Variants in PTCHD4 observed in about 807,000 individuals in gnomAD.
PTCHD4 encodes the protein patched domain-containing protein 4.
Under a neutral mutation model 58.1 loss-of-function variants are expected in PTCHD4, and 33 were observed. The observed-to-expected ratio is 0.57, with a 90% CI of 0.43 to 0.76. The LOEUF (loss-of-function observed/expected upper bound fraction) is 0.76, where lower values mean the gene tolerates loss of function less well. PTCHD4 is among the 30% of genes least tolerant of loss of function. The probability of loss-of-function intolerance (pLI) is 0.00; values close to 1 mark genes in which losing one functional copy is unlikely to be tolerated. For missense variants in PTCHD4, 1,058 were observed against 1,027.1 expected, an observed-to-expected ratio of 1.03 and a Z score of -0.41; for synonymous variants, 478 against 409.6, an observed-to-expected ratio of 1.17 and a Z score of -2.02.
At chr6:48,054,541 GA>G (rs1764343034) in intron 3 of PTCHD4, among the ~76,000 whole-genome samples, 1 of 152,220 alleles carries the variant, frequency 6.6e-6, no homozygotes, top group South Asian at 2.1e-4. Flanking sequence ...TAGCAAGTCA[GA>G]AGGTTTTACT....
At chr6:47,922,096 C>T (rs1765451711) in intron 4 of PTCHD4, among the ~76,000 whole-genome samples, 1 of 151,944 alleles carries the variant, frequency 6.6e-6, no homozygotes, top group South Asian at 2.1e-4. Flanking sequence ...TATGATTGCA[C>T]CACTGCACTT....
intron 4 of PTCHD4, among the ~76,000 whole-genome samples, chr6:47,945,471 C>T (rs1010194387): frequency 6.6e-6 from 1 of 151,984 alleles, no homozygotes; most frequent in Non-Finnish European, 1.5e-5. Context: ...AAATTTTAAG[C>T]AAATCATTTT....
At chr6:47,920,908 C>A (rs1370630674) in intron 4 of PTCHD4, among the ~76,000 whole-genome samples, 1 of 151,988 alleles carries the variant, frequency 6.6e-6, no homozygotes. Flanking sequence ...CCTATTATTG[C>A]TGAGATTATA....
At position 47,869,807 on chromosome 6, in the gene PTCHD4, A is replaced by G. The variant is rs1215920248; in HGVS notation, c.*8496T>C. Among the ~76,000 whole-genome samples, 1 of 151,662 alleles carries G rather than the reference A, an allele frequency of 6.6e-6. No individual in the cohort carries two copies. On this transcript the variant is annotated 3_prime_UTR_variant, in exon 5 of 5. Transcript: ENST00000339488. ...ATAGATTATGTTATTTTACATTGTG[A>G]TGTTATAAGATGTTTTGTTTAGGAA...
At chr6:47,901,298 C>T (rs1392686775) in intron 4 of PTCHD4, 4 of 303,426 alleles carry the variant, frequency 1.3e-5, no homozygotes, top group Non-Finnish European at 1.9e-5. Flanking sequence ...AGTTATTAAC[C>T]TGTAGTTTTC....
chr6:47,932,042 G>A (rs1302180710), intron 4 of PTCHD4, among the ~76,000 whole-genome samples: 2 of 146,428 alleles, frequency 1.4e-5, no homozygotes, highest in African/African-American at 2.6e-5. Flanking sequence ...CATGGGGACT[G>A]CTCCTACAAC....
intron 4 of PTCHD4, among the ~76,000 whole-genome samples, chr6:47,903,282 CATTA>C (rs1021355357): frequency 2.7e-5 from 4 of 150,418 alleles, no homozygotes; most frequent in South Asian, 4.2e-4. Flanking sequence ...GGGAGATGAT[CATTA>C]ATTAATTAAT....
intron 3 of PTCHD4, among the ~76,000 whole-genome samples, chr6:48,053,768 A>C (rs186886188): frequency 6.6e-6 from 1 of 152,230 alleles, no homozygotes; most frequent in African/African-American, 2.4e-5. Flanking sequence ...TTTCTAGCCA[A>C]TATTTATAGA....
At position 47,858,861 on chromosome 6, in the gene PTCHD4, T is replaced by C. The variant is rs1430918431; in HGVS notation, c.*19442A>G. Reference sequence around the variant, plus strand: ...CAGAATATGCTTCCTATAATCCTTCTTGAATCTATGAATTTAAACTACCCC... The same window carrying C: ...CAGAATATGCTTCCTATAATCCTTCCTGAATCTATGAATTTAAACTACCCC... On this transcript the variant is annotated 3_prime_UTR_variant, in exon 5 of 5. Transcript: ENST00000339488. Among the ~76,000 whole-genome samples the C allele has an allele frequency of 6.6e-6, 1 of 152,084 alleles. No individual in the cohort carries two copies.
intron 3 of PTCHD4, among the ~76,000 whole-genome samples, chr6:48,049,450 T>C (rs1482505889): frequency 6.6e-6 from 1 of 151,956 alleles, no homozygotes; most frequent in Non-Finnish European, 1.5e-5. Context: ...ACTAAAATAA[T>C]GCACTCATGT....
intron 1 of PTCHD4, among the ~76,000 whole-genome samples, chr6:48,087,175 C>T (rs995881797): frequency 6.6e-6 from 1 of 152,284 alleles, no homozygotes; most frequent in African/African-American, 2.4e-5. Context: ...GGTCTAGCCT[C>T]AGCCCAGAAA....
At chr6:48,051,089 C>G (rs973462066) in intron 3 of PTCHD4, among the ~76,000 whole-genome samples, 1 of 151,928 alleles carries the variant, frequency 6.6e-6, no homozygotes, top group African/African-American at 2.4e-5. Flanking sequence ...ACCTTTCAAT[C>G]AGTAAACTGT....
intron 4 of PTCHD4, among the ~76,000 whole-genome samples, chr6:47,971,215 T>C (rs9473213): frequency 6.6e-6 from 1 of 151,916 alleles, no homozygotes; most frequent in African/African-American, 2.4e-5. Flanking sequence ...AAAACTATAA[T>C]TGACAGCTTC....
At chr6:48,050,440 T>C (rs1224614032) in intron 3 of PTCHD4, among the ~76,000 whole-genome samples, 3 of 152,030 alleles carry the variant, frequency 2.0e-5, no homozygotes, top group Admixed American at 6.6e-5. Flanking sequence ...GAGGGAACTA[T>C]ATGGCTGGTC....
rs954132338 is a variant in PTCHD4 at position 47,877,243 on chromosome 6, A to G, written c.*1060T>C. Among the ~76,000 whole-genome samples, 3 of 151,846 alleles carry G rather than the reference A, an allele frequency of 2.0e-5. No homozygotes were observed. Among genetic ancestry groups the G allele is most frequent in the Non-Finnish European group, 4.4e-5 (3 of 67,942 alleles). On this transcript the variant is annotated 3_prime_UTR_variant, in exon 5 of 5. Coordinates refer to ENST00000339488, the MANE Select transcript of PTCHD4 (RefSeq NM_001384253.1). ...TAATTATCTATATTCCATGACAGTT[A>G]TTTTCCCTATCTAAAATAAGAACGG...
At chr6:47,939,397 A>G (rs112817210) in intron 4 of PTCHD4, among the ~76,000 whole-genome samples, 6,423 of 152,136 alleles carry the variant, frequency 0.042, 277 homozygotes, top group African/African-American at 0.1. Flanking sequence ...GTAGTAATTA[A>G]GAGAGGAATA....
chr6:48,039,187 C>T (rs1763754048), intron 3 of PTCHD4, among the ~76,000 whole-genome samples: 1 of 152,036 alleles, frequency 6.6e-6, no homozygotes, highest in African/African-American at 2.4e-5. Flanking sequence ...TGTGAAATTA[C>T]CCCTCAATGA....
chr6:47,967,786 T>C (rs1467155772), intron 4 of PTCHD4, among the ~76,000 whole-genome samples: 2 of 152,198 alleles, frequency 1.3e-5, no homozygotes, highest in Non-Finnish European at 2.9e-5. Context: ...AAACTTTTCT[T>C]CACAGCTTCC....
chr6:47,892,915 G>A (rs1296504255), intron 4 of PTCHD4, among the ~76,000 whole-genome samples: 1 of 152,166 alleles, frequency 6.6e-6, no homozygotes, highest in African/African-American at 2.4e-5. Flanking sequence ...CAAAAGTTCA[G>A]GAATGGGATG....
Sources: gnomAD v4.1 joint callset for allele counts (sites outside exome capture counted in the v4.1 genomes callset) on GRCh38, gnomAD v4.1.1 for gene constraint, MANE v1.5 for transcripts, NCBI Gene and HGNC (gene_info 2026-07-23, HGNC 2026-07-21) for gene names.